Variants in GTF2H1 observed in about 807,000 individuals in gnomAD.
GTF2H1 encodes general transcription factor IIH subunit 1.
A neutral mutation model predicts 71.2 loss-of-function variants in GTF2H1; 16 were observed. The ratio of observed to expected loss-of-function variants is 0.22; its 90% CI spans 0.15 to 0.34. The LOEUF (loss-of-function observed/expected upper bound fraction) is 0.34. Among genes scored for constraint, GTF2H1 ranks in the 10% least tolerant of loss-of-function variants. The pLI, the probability that GTF2H1 is intolerant of heterozygous loss-of-function variation, is 1.00. For missense variants in GTF2H1, 498 were observed against 648.2 expected, an observed-to-expected ratio of 0.77 and a Z score of 2.52; for synonymous variants, 215 against 219.0, an observed-to-expected ratio of 0.98 and a Z score of 0.16.
At chr11:18,334,447 T>C (rs565819723) in intron 2 of GTF2H1, among the ~76,000 whole-genome samples, 2 of 152,356 alleles carry the variant, frequency 1.3e-5, no homozygotes, top group East Asian at 1.9e-4. Flanking sequence ...GCTACTAACA[T>C]TTCTGTAACA....
intron 1 of GTF2H1, among the ~76,000 whole-genome samples, chr11:18,331,162 TTC>T (rs1864886177): frequency 6.6e-6 from 1 of 152,122 alleles, no homozygotes; most frequent in Non-Finnish European, 1.5e-5. Flanking sequence ...ATTCTCCTGA[TTC>T]TCCCGCTTCA....
At chr11:18,351,245 A>G (rs905216985) in intron 9 of GTF2H1, among the ~76,000 whole-genome samples, 9 of 149,108 alleles carry the variant, frequency 6.0e-5, no homozygotes, top group African/African-American at 2.0e-4. Flanking sequence ...AAATTTTTTA[A>G]GCCACAGATG....
At chr11:18,355,069 C>G (rs1176051049) in intron 11 of GTF2H1, among the ~76,000 whole-genome samples, 1 of 151,942 alleles carries the variant, frequency 6.6e-6, no homozygotes. Context: ...CTCGGCCTCC[C>G]AAAGTGCTGA....
rs537423838 is a variant in GTF2H1, at chr11:18,355,801, G to T, written c.1261-2151G>T. On this transcript the variant is annotated intron_variant, in intron 11 of 14. Coordinates refer to ENST00000265963, the MANE Select transcript of GTF2H1 (RefSeq NM_005316.4). ...AAATGAAATTTATCTTTTTAAGTCTGCTATTCTACAAGTTTTGATAAACAC... is the reference window on the plus strand; with the variant it reads ...AAATGAAATTTATCTTTTTAAGTCTTCTATTCTACAAGTTTTGATAAACAC... Among the ~76,000 whole-genome samples, 10 of 152,270 alleles carry T rather than the reference G, an allele frequency of 6.6e-5. No individual in the cohort carries two copies. The South Asian group carries it at 1.0e-3, about 16-fold the overall frequency.
At chr11:18,333,266 TC>T in intron 2 of GTF2H1, 38 bp downstream of exon 2, 1 of 1,397,194 alleles carries the variant, frequency 7.2e-7, no homozygotes, top group Non-Finnish European at 9.9e-7. Context: ...TATTTGTATG[TC>T]ATAGTTGCTA....
At chr11:18,333,275 C>A in intron 2 of GTF2H1, 47 bp downstream of exon 2, 1 of 1,351,456 alleles carries the variant, frequency 7.4e-7, no homozygotes, top group East Asian at 2.3e-5. Flanking sequence ...GTCATAGTTG[C>A]TAGTAATTTT....
At position 18,350,440 on chromosome 11, in the gene GTF2H1, A is replaced by G. The variant is rs1475250888; in HGVS notation, c.1054-1441A>G. Among the ~76,000 whole-genome samples the G allele has an allele frequency of 2.1e-4, 5 of 23,610 alleles. No individual in the cohort carries two copies. In the Admixed American group the frequency reaches 3.3e-3, roughly 16 times the overall value. 15.5% of individuals were successfully genotyped at this position (23,610 alleles called of 152,430 possible). ...AGGTATAGAGTTGAGAAAGTAGTTA[A>G]AAAAAAAAAAGTCAGGCTGAGTCTA... On this transcript the variant is annotated intron_variant, in intron 9 of 14. Transcript: ENST00000265963.
In GTF2H1 at chr11:18,365,896, T is replaced by C; in HGVS notation, c.*27T>C. ...GTGGCCATGATGCTTACAGGTTTTG[T>C]GAGATTGAGAGAACTATGACCTGCA... On this transcript the variant is annotated 3_prime_UTR_variant, in exon 15 of 15. Transcript: ENST00000265963. The C allele has an allele frequency of 6.6e-7, 1 of 1,518,958 alleles. No homozygotes were observed. The highest frequency in any genetic ancestry group is 2.3e-5 in the East Asian group (1 of 44,380). The allele number at this position is 1,518,958 out of a possible 1,614,324, so 94.1% of individuals were successfully genotyped here. A position where few individuals can be genotyped will look rare whatever the true frequency, so the allele number is the denominator to read the frequency against.
intron 7 of GTF2H1, 195 bp downstream of exon 7, chr11:18,341,802 G>C (rs1251236360): frequency 4.3e-6 from 2 of 462,326 alleles, no homozygotes; most frequent in Non-Finnish European, 7.7e-6. Context: ...TGAAATTCCT[G>C]TGTGAGTTGC....
intron 3 of GTF2H1, among the ~76,000 whole-genome samples, chr11:18,336,234 C>A (rs545055759): frequency 6.6e-6 from 1 of 152,144 alleles, no homozygotes; most frequent in African/African-American, 2.4e-5. Flanking sequence ...TCAAGCAATT[C>A]TCCTGTCTCA....
chr11:18,353,449 C>G (rs950564723), intron 11 of GTF2H1, among the ~76,000 whole-genome samples: 4 of 152,196 alleles, frequency 2.6e-5, no homozygotes, highest in Admixed American at 2.6e-4. Context: ...GCCTAACACA[C>G]TAAGCTGTCC....
intron 5 of GTF2H1, 55 bp downstream of exon 5, chr11:18,339,712 A>G (rs1590187220): frequency 9.7e-7 from 1 of 1,032,172 alleles, no homozygotes; most frequent in Non-Finnish European, 1.5e-6. Context: ...ATTCTATAGT[A>G]TATCAGTGAA....
At chr11:18,349,376 G>T (rs1280052040) in intron 9 of GTF2H1, among the ~76,000 whole-genome samples, 1 of 152,102 alleles carries the variant, frequency 6.6e-6, no homozygotes, top group Non-Finnish European at 1.5e-5. Flanking sequence ...ATTCTTGGTG[G>T]TGAACAAGTT....
At chr11:18,330,346 G>A (rs1197187205) in intron 1 of GTF2H1, among the ~76,000 whole-genome samples, 3 of 152,178 alleles carry the variant, frequency 2.0e-5, no homozygotes, top group Non-Finnish European at 4.4e-5. Flanking sequence ...GTAAAGAAAG[G>A]CAGATTTGTT....
intron 1 of GTF2H1, among the ~76,000 whole-genome samples, chr11:18,329,311 G>A (rs1377098047): frequency 6.6e-6 from 1 of 152,114 alleles, no homozygotes; most frequent in Admixed American, 6.5e-5. Context: ...CATCATGTCC[G>A]GAACTGAATT....
At chr11:18,339,508 C>T in intron 4 of GTF2H1, 56 bp from the exon 5 acceptor site, 1 of 1,223,558 alleles carries the variant, frequency 8.2e-7, no homozygotes, top group Non-Finnish European at 1.2e-6. Context: ...CCACTGGGAC[C>T]TGAGCCATCT....
At chr11:18,355,582 T>C (rs1311887530) in intron 11 of GTF2H1, among the ~76,000 whole-genome samples, 1 of 152,142 alleles carries the variant, frequency 6.6e-6, no homozygotes, top group East Asian at 1.9e-4. Context: ...CTCGGCTCAC[T>C]GCAGCCTTGA....
Position 18,322,719 on chromosome 11 carries a change from C to T in GTF2H1, c.-37C>T, listed in dbSNP as rs1864531800. ...TCCAACCCAGTTAGTTACTTCCTGTCTAGAGTTGTAGCTTCCACCTGGTAA... is the reference window on the plus strand; with the variant it reads ...TCCAACCCAGTTAGTTACTTCCTGTTTAGAGTTGTAGCTTCCACCTGGTAA... On this transcript the variant is annotated 5_prime_UTR_variant, in exon 1 of 15. Coordinates refer to ENST00000265963, the MANE Select transcript of GTF2H1 (RefSeq NM_005316.4). 8.0e-6 allele frequency: 1 copy of T among 125,356 alleles called. No homozygotes were observed. The highest frequency in any genetic ancestry group is 3.0e-5 in the African/African-American group (1 of 33,116). The allele number at this position is 125,356 out of a possible 1,614,324, so 7.8% of individuals were successfully genotyped here.
chr11:18,339,404 T>A (rs1373629407), intron 4 of GTF2H1, among the ~76,000 whole-genome samples, 160 bp from the exon 5 acceptor site: 5 of 152,226 alleles, frequency 3.3e-5, no homozygotes, highest in Non-Finnish European at 7.3e-5. Context: ...TCAGGCTTTT[T>A]TGAGTCCTGC....
Sources: allele counts gnomAD v4.1 joint callset (sites outside exome capture counted in the v4.1 genomes callset), GRCh38; gene constraint gnomAD v4.1.1; transcripts MANE v1.5; gene names NCBI Gene and HGNC (gene_info 2026-07-23, HGNC 2026-07-21).